Variants in FHIP2A observed in about 807,000 individuals in gnomAD.
FHIP2A encodes FHF complex subunit HOOK interacting protein 2A.
In FHIP2A, 46 loss-of-function variants were observed where a neutral mutation model predicts 93.5. That is an observed-to-expected ratio of 0.49 (90% CI 0.39 to 0.63). The LOEUF (loss-of-function observed/expected upper bound fraction) is 0.63. FHIP2A is among the 20% of genes least tolerant of loss of function. The pLI is 0.00. For synonymous variants in FHIP2A, 332 were observed against 326.5 expected, an observed-to-expected ratio of 1.02 and a Z score of -0.18; for missense variants, 769 against 909.7, an observed-to-expected ratio of 0.85 and a Z score of 1.99.
At chr10:114,825,221 T>C (rs1293351162) in intron 1 of FHIP2A, among the ~76,000 whole-genome samples, 6 of 152,146 alleles carry the variant, frequency 3.9e-5, no homozygotes, top group Non-Finnish European at 5.9e-5. Flanking sequence ...CCTCACAATG[T>C]AGACACTGTG....
At position 114,833,256 on chromosome 10, in the gene FHIP2A, A is replaced by T. The variant is rs1466342632; in HGVS notation, c.148A>T (p.Thr50Ser). ...AGATGATAAAGCCCCAGTGACCGAT[A>T]CAAATATTCCATCGCATCTGGAACA... ...TSDDKAPVTD[T>S]NIPSHLEQML... The change falls in exon 3 of 17, where the codon ACA becomes TCA. Residue 50 changes from threonine to serine, a missense_variant. Transcript: ENST00000369248. 6.2e-7 allele frequency: 1 copy of T among 1,611,150 alleles called. No homozygotes were observed. Among genetic ancestry groups the T allele is most frequent in the Non-Finnish European group, 8.5e-7 (1 of 1,178,890 alleles).
intron 16 of FHIP2A, among the ~76,000 whole-genome samples, chr10:114,886,754 A>T (rs1198759218): frequency 6.6e-6 from 1 of 152,068 alleles, no homozygotes; most frequent in East Asian, 1.9e-4. Flanking sequence ...CATGTTGACC[A>T]GGCTGGTCTT....
chr10:114,879,738 G>T (rs1387679726), intron 16 of FHIP2A, among the ~76,000 whole-genome samples: 3 of 152,150 alleles, frequency 2.0e-5, no homozygotes, highest in African/African-American at 7.2e-5. Flanking sequence ...TGTCACCCAG[G>T]CTGGAGTGCA....
chr10:114,828,874 A>G (rs774365714), intron 1 of FHIP2A, among the ~76,000 whole-genome samples: 1 of 152,190 alleles, frequency 6.6e-6, no homozygotes, highest in Non-Finnish European at 1.5e-5. Flanking sequence ...GAAGATACTG[A>G]TAATTGTTGA....
downstream of FHIP2A, among the ~76,000 whole-genome samples, chr10:114,867,711 G>GGAT (rs1262449550): frequency 1.3e-5 from 2 of 150,036 alleles, no homozygotes; most frequent in Admixed American, 1.3e-4. Context: ...TGGAGAGATA[G>GGAT]GATGTGTAGA....
At position 114,862,853 on chromosome 10, in the gene FHIP2A, A is replaced by T. The variant is rs1473992446; in HGVS notation, c.*1313A>T. On this transcript the variant is annotated 3_prime_UTR_variant, in exon 17 of 17. Coordinates refer to ENST00000369248, the MANE Select transcript of FHIP2A (RefSeq NM_020940.4). ...CTGATATTTGGGGGAACAGGCTATC[A>T]AAGGTTCCGGCTTGAAGGGAACTGT... is the stretch of plus-strand genomic sequence containing the variant. 1.0e-6 allele frequency: 1 copy of T among 985,370 alleles called. No homozygotes were observed. Among genetic ancestry groups the T allele is most frequent in the African/African-American group, 1.7e-5 (1 of 57,254 alleles). 61.0% of individuals were successfully genotyped at this position (985,370 alleles called of 1,614,324 possible). A position where few individuals can be genotyped will look rare whatever the true frequency, so the allele number is the denominator to read the frequency against.
chr10:114,827,189 G>A (rs907093120), intron 1 of FHIP2A, among the ~76,000 whole-genome samples: 7 of 152,204 alleles, frequency 4.6e-5, no homozygotes, highest in Non-Finnish European at 8.8e-5. Context: ...CCAATTTTGA[G>A]TCTTCAGAGT....
intron 14 of FHIP2A, 113 bp downstream of exon 14, chr10:114,855,453 C>T: frequency 3.3e-6 from 3 of 917,128 alleles, no homozygotes; most frequent in Non-Finnish European, 4.8e-6. Flanking sequence ...CTTACTTTTT[C>T]CACTGGATGA....
chr10:114,826,343 C>T (rs2083575963), intron 1 of FHIP2A, among the ~76,000 whole-genome samples: 2 of 152,256 alleles, frequency 1.3e-5, no homozygotes, highest in South Asian at 4.1e-4. Context: ...ATTCCTGCCT[C>T]TGTCCCTTCC....
chr10:114,826,474 G>A (rs563583901), intron 1 of FHIP2A, among the ~76,000 whole-genome samples: 1 of 152,216 alleles, frequency 6.6e-6, no homozygotes, highest in East Asian at 1.9e-4. Flanking sequence ...TACATGAAGT[G>A]CTTAGTGCAG....
Position 114,894,908 on chromosome 10 carries a change from T to C in FHIP2A, c.2193-4582T>C, listed in dbSNP as rs2083993526. 2.0e-5 allele frequency among the ~76,000 whole-genome samples: 3 copies of C among 152,328 alleles called. No individual in the cohort carries two copies. The South Asian group carries it at 6.2e-4, about 32-fold the overall frequency. Reference sequence around the variant, plus strand: ...AGAGAGCTTTGGCTTCTTCTTTTCTTAATAAAAATAGTGTCAAGGTCCTAA... The same window carrying C: ...AGAGAGCTTTGGCTTCTTCTTTTCTCAATAAAAATAGTGTCAAGGTCCTAA... On this transcript the variant is annotated intron_variant, in intron 16 of 16. Transcript: ENST00000369250.
At chr10:114,825,273 A>C (rs1283284896) in intron 1 of FHIP2A, among the ~76,000 whole-genome samples, 1 of 151,884 alleles carries the variant, frequency 6.6e-6, no homozygotes, top group Non-Finnish European at 1.5e-5. Context: ...TGAGCCTCCC[A>C]CCTCCATCTC....
intron 14 of FHIP2A, among the ~76,000 whole-genome samples, chr10:114,858,668 A>G (rs533041016): frequency 3.6e-4 from 55 of 151,196 alleles, no homozygotes; most frequent in Admixed American, 2.8e-3. Flanking sequence ...TTTAATGTGA[A>G]TTCATTGTTT....
At chr10:114,858,313 A>G (rs892810530) in intron 14 of FHIP2A, among the ~76,000 whole-genome samples, 1 of 152,198 alleles carries the variant, frequency 6.6e-6, no homozygotes, top group Non-Finnish European at 1.5e-5. Context: ...TTTCATTTTT[A>G]CTACGTTGAG....
At chr10:114,897,286 C>A (rs1007864109) in intron 16 of FHIP2A, among the ~76,000 whole-genome samples, 4 of 152,158 alleles carry the variant, frequency 2.6e-5, no homozygotes, top group Non-Finnish European at 5.9e-5. Context: ...AATGTGAGGT[C>A]TCGTTCCAGC....
chr10:114,864,274 T>C lies in FHIP2A; in HGVS notation c.*2734T>C, dbSNP rs1566379564. On this transcript the variant is annotated 3_prime_UTR_variant, in exon 17 of 17. Coordinates refer to ENST00000369248, the MANE Select transcript of FHIP2A (RefSeq NM_020940.4). ...TTATTGCATTAACATACAATTGCCA[T>C]TTAATTATGAAGTCCATCAGTATTG... 1.0e-6 allele frequency: 1 copy of C among 983,546 alleles called. No individual in the cohort carries two copies. Among genetic ancestry groups the C allele is most frequent in the Non-Finnish European group, 1.2e-6 (1 of 827,910 alleles). The allele number at this position is 983,546 out of a possible 1,614,324, so 60.9% of individuals were successfully genotyped here. A position where few individuals can be genotyped will look rare whatever the true frequency, so the allele number is the denominator to read the frequency against.
At chr10:114,860,992 C>A in intron 15 of FHIP2A, 103 bp downstream of exon 15, 2 of 1,170,106 alleles carry the variant, frequency 1.7e-6, no homozygotes, top group South Asian at 2.8e-5. Flanking sequence ...AAAAATATAT[C>A]TACTGCTTAA....
intron 7 of FHIP2A, among the ~76,000 whole-genome samples, chr10:114,844,324 A>G (rs2083687528): frequency 6.6e-6 from 1 of 152,164 alleles, no homozygotes; most frequent in Non-Finnish European, 1.5e-5. Flanking sequence ...CTTCTACCTC[A>G]TTCTTTCACC....
At chr10:114,860,611 C>G in intron 14 of FHIP2A, 138 bp from the exon 15 acceptor site, 3 of 685,070 alleles carry the variant, frequency 4.4e-6, no homozygotes, top group Non-Finnish European at 7.5e-6. Context: ...CTCAGCCTCC[C>G]AAAGTACTGG....
Sources: allele counts gnomAD v4.1 joint callset (sites outside exome capture counted in the v4.1 genomes callset), GRCh38; gene constraint gnomAD v4.1.1; transcripts MANE v1.5; gene names NCBI Gene and HGNC (gene_info 2026-07-23, HGNC 2026-07-21).